The following GRM7 variants were observed in gnomAD, a reference collection of about 807,000 sequenced individuals.
GRM7 encodes the protein glutamate metabotropic receptor 7.
In GRM7, 35 loss-of-function variants were observed where a neutral mutation model predicts 84.5. That is an observed-to-expected ratio of 0.41 (90% CI 0.32 to 0.55). The LOEUF (loss-of-function observed/expected upper bound fraction) is 0.55. Ranked by LOEUF, GRM7 falls within the 20% of genes least tolerant of loss-of-function variation. The pLI is 0.19. For synonymous variants in GRM7, 487 were observed against 455.1 expected, an observed-to-expected ratio of 1.07 and a Z score of -0.89; for missense variants, 1,003 against 1,194.6, an observed-to-expected ratio of 0.84 and a Z score of 2.36.
At chr3:7,329,420 G>A (rs1466257141) in intron 4 of GRM7, among the ~76,000 whole-genome samples, 1 of 152,160 alleles carries the variant, frequency 6.6e-6, no homozygotes, top group East Asian at 1.9e-4. Context: ...TGCATTGCCG[G>A]TAATTGAGAA....
intron 2 of GRM7, among the ~76,000 whole-genome samples, chr3:7,228,555 G>A (rs1306416082): frequency 6.6e-6 from 1 of 152,172 alleles, no homozygotes; most frequent in African/African-American, 2.4e-5. Flanking sequence ...ACAATCTAGA[G>A]AAAGAGTGAA....
At chr3:7,191,963 C>G (rs545802921) in intron 2 of GRM7, among the ~76,000 whole-genome samples, 38 of 152,242 alleles carry the variant, frequency 2.5e-4, no homozygotes, top group South Asian at 1.9e-3. Flanking sequence ...AATTTTACAT[C>G]AGTATTCTTA....
intron 2 of GRM7, among the ~76,000 whole-genome samples, chr3:7,285,836 C>T (rs549431912): frequency 2.0e-5 from 3 of 152,086 alleles, no homozygotes; most frequent in African/African-American, 7.2e-5. Context: ...TGATTTTTTT[C>T]CTTCTAATTT....
chr3:7,274,135 A>C (rs534104949), intron 2 of GRM7, among the ~76,000 whole-genome samples: 1 of 151,960 alleles, frequency 6.6e-6, no homozygotes, highest in Non-Finnish European at 1.5e-5. Context: ...ATATTTCTTC[A>C]TAGGTAGTGC....
At chr3:7,191,988 C>T (rs1695724985) in intron 2 of GRM7, among the ~76,000 whole-genome samples, 1 of 152,048 alleles carries the variant, frequency 6.6e-6, no homozygotes, top group African/African-American at 2.4e-5. Context: ...TTACTGATCA[C>T]CAGATATACC....
chr3:7,585,646 G>A (rs546605385), intron 8 of GRM7, among the ~76,000 whole-genome samples: 23 of 152,230 alleles, frequency 1.5e-4, no homozygotes, highest in South Asian at 1.5e-3. Flanking sequence ...GCCACCTCCC[G>A]TGGAGAGCTC....
intron 4 of GRM7, among the ~76,000 whole-genome samples, chr3:7,335,041 G>A (rs114750254): frequency 1.3e-5 from 2 of 151,980 alleles, no homozygotes; most frequent in South Asian, 4.1e-4. Flanking sequence ...ATGGGCTTAA[G>A]CTATACACTA....
intron 2 of GRM7, among the ~76,000 whole-genome samples, chr3:7,184,864 T>A (rs959999562): frequency 1.3e-5 from 2 of 152,180 alleles, no homozygotes; most frequent in South Asian, 4.1e-4. Flanking sequence ...ATAATGATTG[T>A]TGTTCTATGC....
intron 9 of GRM7, chr3:7,693,667 G>A (rs1700900908): frequency 1.3e-6 from 2 of 1,530,178 alleles, no homozygotes; most frequent in Admixed American, 2.0e-5. Context: ...CATCTGCACT[G>A]GCATCTAGTC....
At chr3:7,296,924 A>T (rs1213598691) in intron 2 of GRM7, among the ~76,000 whole-genome samples, 1 of 151,600 alleles carries the variant, frequency 6.6e-6, no homozygotes, top group East Asian at 1.9e-4. Flanking sequence ...ATGGATCTGT[A>T]GGTTTTCACA....
intron 7 of GRM7, among the ~76,000 whole-genome samples, chr3:7,507,970 C>A (rs552096676): frequency 6.6e-6 from 1 of 152,276 alleles, no homozygotes; most frequent in South Asian, 2.1e-4. Flanking sequence ...TTCCTCTATG[C>A]TTACTCCAAG....
intron 2 of GRM7, among the ~76,000 whole-genome samples, chr3:7,296,606 T>A (rs533311002): frequency 2.0e-4 from 31 of 152,318 alleles, no homozygotes; most frequent in Non-Finnish European, 1.8e-4. Flanking sequence ...TGGTACTTTG[T>A]ATCTTTCAAG....
intron 4 of GRM7, among the ~76,000 whole-genome samples, chr3:7,347,525 G>A (rs978261861): frequency 1.3e-5 from 2 of 152,120 alleles, no homozygotes; most frequent in African/African-American, 2.4e-5. Context: ...CACAGGACCC[G>A]TGCAGATTGT....
intron 1 of GRM7, among the ~76,000 whole-genome samples, chr3:7,012,824 T>C (rs1025575912): frequency 1.3e-5 from 2 of 152,200 alleles, no homozygotes; most frequent in African/African-American, 4.8e-5. Context: ...TATTGCAGCC[T>C]GGACCATTTG....
chr3:7,291,064 A>C (rs543687617), intron 2 of GRM7, among the ~76,000 whole-genome samples: 1 of 151,930 alleles, frequency 6.6e-6, no homozygotes, highest in African/African-American at 2.4e-5. Context: ...TGCAGGTGCC[A>C]GCCACACCCT....
At chr3:6,906,190 G>T (rs1696572625) in intron 1 of GRM7, among the ~76,000 whole-genome samples, 1 of 152,112 alleles carries the variant, frequency 6.6e-6, no homozygotes, top group African/African-American at 2.4e-5. Flanking sequence ...CTTGGGCAAT[G>T]GGGGCACTTG....
At chr3:6,974,317 A>G (rs1216624391) in intron 1 of GRM7, among the ~76,000 whole-genome samples, 51 of 152,270 alleles carry the variant, frequency 3.3e-4, no homozygotes, top group South Asian at 2.1e-4. Context: ...TCATCATCCT[A>G]GTGGAGATGT....
intron 1 of GRM7, among the ~76,000 whole-genome samples, chr3:7,090,740 A>G (rs961599856): frequency 9.2e-5 from 14 of 152,204 alleles, no homozygotes; most frequent in Non-Finnish European, 1.5e-4. Context: ...CTAGAAACCA[A>G]TGATAGATAA....
chr3:7,184,946 T>G (rs931741830), intron 2 of GRM7, among the ~76,000 whole-genome samples: 1 of 152,190 alleles, frequency 6.6e-6, no homozygotes, highest in Non-Finnish European at 1.5e-5. Flanking sequence ...GTGGCAAATT[T>G]TATTATTTTC....
Sources: allele counts gnomAD v4.1 joint callset (sites outside exome capture counted in the v4.1 genomes callset), GRCh38; gene constraint gnomAD v4.1.1; transcripts MANE v1.5; gene names NCBI Gene and HGNC (gene_info 2026-07-23, HGNC 2026-07-21).